RELL1: variants seen among roughly 807,000 people sequenced by gnomAD.
RELL1 encodes the protein RELT-like protein 1.
RELL1 carries 10 observed loss-of-function variants against 23.0 expected under a neutral mutation model. The ratio of observed to expected loss-of-function variants is 0.43; its 90% CI spans 0.27 to 0.74. The LOEUF is 0.74. Among genes scored for constraint, RELL1 ranks in the 30% least tolerant of loss-of-function variants. The pLI, the probability that RELL1 is intolerant of heterozygous loss-of-function variation, is 0.19. For missense variants in RELL1, 315 were observed against 364.4 expected (o/e 0.86, Z 1.10); for synonymous variants, 146 against 146.8 (o/e 0.99, Z 0.04).
chr4:37,660,462 T>C (rs1247717694), intron 1 of RELL1, among the ~76,000 whole-genome samples: 1 of 152,192 alleles, frequency 6.6e-6, no homozygotes, highest in Non-Finnish European at 1.5e-5. Context: ...AATTTTTTCA[T>C]AACTCCTTTG....
chr4:37,621,927 G>A (rs973247418), intron 6 of RELL1, among the ~76,000 whole-genome samples: 3 of 152,208 alleles, frequency 2.0e-5, no homozygotes, highest in South Asian at 2.1e-4. Flanking sequence ...GGCCATGGAA[G>A]AATAACTTAG....
rs372217379 is a variant in RELL1, at chr4:37,616,944, A to T, written c.*4-3602T>A. Among the ~76,000 whole-genome samples, 154 of 152,324 alleles carry T rather than the reference A, an allele frequency of 1.0e-3. No homozygotes were observed. The Middle Eastern group carries it at 0.01, about 10-fold the overall frequency. On this transcript the variant is annotated intron_variant, in intron 6 of 6. Transcript: ENST00000454158. The stretch of plus-strand genomic sequence containing the variant: ...CATCTTGGCAGATATCGATTAATGG[A>T]ATCACATCACAGAGTATTCAGTGCT...
chr4:37,622,706 C>G (rs1719807840), intron 6 of RELL1: 6 of 427,082 alleles, frequency 1.4e-5, no homozygotes, highest in Admixed American at 2.7e-5. Flanking sequence ...GATAGAAGCT[C>G]TGTAAGAGTA....
At chr4:37,644,558 G>A (rs951645274) in intron 3 of RELL1, among the ~76,000 whole-genome samples, 7 of 150,860 alleles carry the variant, frequency 4.6e-5, no homozygotes, top group South Asian at 2.1e-4. Context: ...TCTGCCTCCC[G>A]GGTTCAAGTG....
intron 1 of RELL1, among the ~76,000 whole-genome samples, chr4:37,676,158 G>C (rs1722019378): frequency 6.6e-6 from 1 of 151,996 alleles, no homozygotes; most frequent in Admixed American, 6.6e-5. Context: ...TAGGTATTTT[G>C]GCCCTGTGTC....
At chr4:37,638,060 A>C (rs1245455782) in intron 4 of RELL1, among the ~76,000 whole-genome samples, 1 of 152,214 alleles carries the variant, frequency 6.6e-6, no homozygotes, top group African/African-American at 2.4e-5. Context: ...ACTCAACCAC[A>C]TCTCCCAATT....
At chr4:37,591,171 A>G (rs1218674148) in exon 7 of RELL1, 2 of 594,836 alleles carry the variant, frequency 3.4e-6, no homozygotes, top group Admixed American at 6.3e-5. Context: ...GCTGCTTGTC[A>G]CATATCTGGA....
At chr4:37,684,434 G>C (rs548286170) in intron 1 of RELL1, among the ~76,000 whole-genome samples, 13 of 152,040 alleles carry the variant, frequency 8.6e-5, no homozygotes, top group Non-Finnish European at 1.6e-4. Context: ...TTGCTCAGAG[G>C]TCAAACCAAA....
chr4:37,613,965 A>G (rs1255211359), intron 6 of RELL1, among the ~76,000 whole-genome samples: 1 of 152,232 alleles, frequency 6.6e-6, no homozygotes, highest in African/African-American at 2.4e-5. Context: ...AACCCAGGAC[A>G]GGACTAAAAT....
At chr4:37,661,346 C>T (rs1474842452) in intron 1 of RELL1, among the ~76,000 whole-genome samples, 2 of 152,176 alleles carry the variant, frequency 1.3e-5, no homozygotes, top group Non-Finnish European at 2.9e-5. Context: ...GTAGCACAAT[C>T]TCAGCTCACT....
intron 6 of RELL1, among the ~76,000 whole-genome samples, chr4:37,604,880 TAC>T (rs1379592181): frequency 0.047 from 1,768 of 37,602 alleles, 85 homozygotes; most frequent in Non-Finnish European, 0.07. Flanking sequence ...CACACACACA[TAC>T]ACACAGACAC....
chr4:37,619,972 G>A (rs1176143275), intron 6 of RELL1, among the ~76,000 whole-genome samples: 1 of 152,084 alleles, frequency 6.6e-6, no homozygotes, highest in Non-Finnish European at 1.5e-5. Context: ...TAGTAAAGTT[G>A]GGCATTTTTT....
chr4:37,602,221 CAAAA>C (rs11410477), intron 6 of RELL1, among the ~76,000 whole-genome samples: 5 of 96,694 alleles, frequency 5.2e-5, no homozygotes, highest in Admixed American at 1.1e-4. Flanking sequence ...TGTCTCAAAC[CAAAA>C]AAAAAAAAAA....
At chr4:37,590,707 G>T (rs781001298), downstream of RELL1, 10 of 1,614,138 alleles carry the variant, frequency 6.2e-6, no homozygotes, top group Non-Finnish European at 8.5e-6. Flanking sequence ...TGAATCCCTA[G>T]AGGGAATTCA....
At chr4:37,664,225 A>T (rs1721452643) in intron 1 of RELL1, among the ~76,000 whole-genome samples, 1 of 152,012 alleles carries the variant, frequency 6.6e-6, no homozygotes. Context: ...AAAATACAAA[A>T]ATTAGCTGGG....
intron 1 of RELL1, among the ~76,000 whole-genome samples, chr4:37,655,841 C>T (rs981551086): frequency 2.4e-4 from 37 of 152,288 alleles, no homozygotes; most frequent in African/African-American, 7.9e-4. Flanking sequence ...GAATGAGTTT[C>T]CAGAAGAGGT....
intron 4 of RELL1, among the ~76,000 whole-genome samples, chr4:37,636,884 A>G (rs1720350446): frequency 6.6e-6 from 1 of 152,162 alleles, no homozygotes; most frequent in Non-Finnish European, 1.5e-5. Context: ...AAAGAAGTAG[A>G]GCCTACGGTT....
intron 1 of RELL1, among the ~76,000 whole-genome samples, chr4:37,663,434 C>T (rs1721422406): frequency 6.6e-6 from 1 of 152,188 alleles, no homozygotes; most frequent in African/African-American, 2.4e-5. Flanking sequence ...CTTAAAGCAA[C>T]AGGGCTTCAG....
chr4:37,608,830 C>T (rs756614937), downstream of RELL1, among the ~76,000 whole-genome samples: 2 of 151,914 alleles, frequency 1.3e-5, no homozygotes, highest in Non-Finnish European at 2.9e-5. Context: ...AGGGTTTCGC[C>T]GTGTTGGCCA....
Sources: gnomAD v4.1 joint callset for allele counts (sites outside exome capture counted in the v4.1 genomes callset) on GRCh38, gnomAD v4.1.1 for gene constraint, MANE v1.5 for transcripts, NCBI Gene and HGNC (gene_info 2026-07-23, HGNC 2026-07-21) for gene names.